The following CA10 variants were observed in gnomAD, a reference collection of about 807,000 sequenced individuals.
CA10 encodes carbonic anhydrase-related protein 10.
In CA10, 14 loss-of-function variants were observed where a neutral mutation model predicts 44.2. The observed-to-expected ratio is 0.32, with a 90% CI of 0.21 to 0.50. CA10 has a LOEUF of 0.50. CA10 is among the 20% of genes least tolerant of loss of function. The probability of loss-of-function intolerance (pLI) is 0.99; values close to 1 mark genes in which losing one functional copy is unlikely to be tolerated. For missense variants in CA10, 350 were observed against 409.7 expected (o/e 0.85, Z 1.26); for synonymous variants, 159 against 141.6 (o/e 1.12, Z -0.87).
chr17:51,996,416 CT>C (rs1449796900), intron 2 of CA10, among the ~76,000 whole-genome samples: 7 of 152,024 alleles, frequency 4.6e-5, no homozygotes, highest in Non-Finnish European at 1.0e-4. Context: ...TAGTATCTTC[CT>C]TCCTTAAATT....
chr17:51,984,071 A>G (rs2144092148), intron 2 of CA10, among the ~76,000 whole-genome samples: 1 of 151,850 alleles, frequency 6.6e-6, no homozygotes, highest in Non-Finnish European at 1.5e-5. Context: ...GTGTTTTTCA[A>G]GTTTTAATGA....
At chr17:51,916,883 C>T (rs1297796635) in intron 3 of CA10, among the ~76,000 whole-genome samples, 1 of 152,120 alleles carries the variant, frequency 6.6e-6, no homozygotes, top group African/African-American at 2.4e-5. Flanking sequence ...CTTCAGGAGG[C>T]CAAACCATGG....
chr17:52,071,854 C>T (rs1286731509), intron 2 of CA10, among the ~76,000 whole-genome samples: 1 of 152,164 alleles, frequency 6.6e-6, no homozygotes, highest in Non-Finnish European at 1.5e-5. Flanking sequence ...ATTCAGTTCT[C>T]TGTCCTCTGC....
chr17:51,899,492 G>A (rs888217791), intron 3 of CA10, among the ~76,000 whole-genome samples: 1 of 151,868 alleles, frequency 6.6e-6, no homozygotes, highest in African/African-American at 2.4e-5. Flanking sequence ...ATTTTAGAGT[G>A]CCATGTGTAG....
chr17:51,811,503 TCA>T (rs1244418101), intron 3 of CA10, among the ~76,000 whole-genome samples: 6 of 152,218 alleles, frequency 3.9e-5, no homozygotes, highest in Non-Finnish European at 8.8e-5. Context: ...ATCTCATTGT[TCA>T]GTTTCCACCT....
intron 2 of CA10, among the ~76,000 whole-genome samples, chr17:52,045,905 G>T (rs1256458595): frequency 2.6e-5 from 4 of 151,802 alleles, no homozygotes; most frequent in Non-Finnish European, 4.4e-5. Context: ...CAACAGAAAT[G>T]AACTAGATAT....
At chr17:51,880,163 C>T (rs923730233) in intron 3 of CA10, among the ~76,000 whole-genome samples, 11 of 152,164 alleles carry the variant, frequency 7.2e-5, no homozygotes, top group South Asian at 2.1e-4. Flanking sequence ...CTTGCCTTAC[C>T]TCTTCCAGCA....
At chr17:52,122,869 C>G (rs2143322281) in intron 1 of CA10, among the ~76,000 whole-genome samples, 1 of 152,244 alleles carries the variant, frequency 6.6e-6, no homozygotes, top group South Asian at 2.1e-4. Context: ...CAAACAAGGT[C>G]CTTTTAGATC....
chr17:52,063,356 G>C (rs1234884047), intron 2 of CA10, among the ~76,000 whole-genome samples: 1 of 152,192 alleles, frequency 6.6e-6, no homozygotes, highest in East Asian at 1.9e-4. Context: ...CATTGGGATA[G>C]AATGATTGTA....
intron 4 of CA10, among the ~76,000 whole-genome samples, chr17:51,692,013 A>T (rs1428642506): frequency 2.0e-5 from 3 of 152,204 alleles, no homozygotes; most frequent in East Asian, 1.9e-4. Flanking sequence ...AATTTTAGGA[A>T]TTTTTTCTAT....
At chr17:51,952,576 AAAG>A (rs1983526215) in intron 2 of CA10, among the ~76,000 whole-genome samples, 2 of 152,282 alleles carry the variant, frequency 1.3e-5, no homozygotes, top group East Asian at 3.9e-4. Flanking sequence ...ATTAAAACTA[AAAG>A]AAGATCAATA....
chr17:51,712,463 G>C (rs1567813032), intron 4 of CA10, among the ~76,000 whole-genome samples: 1 of 152,138 alleles, frequency 6.6e-6, no homozygotes, highest in Non-Finnish European at 1.5e-5. Flanking sequence ...TTTTTCTTTG[G>C]AAAAATTTCA....
chr17:52,090,784 C>T (rs1054753768), intron 1 of CA10, among the ~76,000 whole-genome samples: 4 of 152,032 alleles, frequency 2.6e-5, no homozygotes, highest in African/African-American at 9.7e-5. Context: ...ATAAATTCTG[C>T]CCACACCCCT....
intron 3 of CA10, among the ~76,000 whole-genome samples, chr17:51,781,518 C>T (rs538698678): frequency 6.6e-6 from 1 of 152,124 alleles, no homozygotes; most frequent in African/African-American, 2.4e-5. Flanking sequence ...GATCAAATGG[C>T]CTCTTATTAT....
chr17:52,152,124 T>A (rs1049227411), intron 1 of CA10, among the ~76,000 whole-genome samples: 5 of 151,588 alleles, frequency 3.3e-5, no homozygotes, highest in Non-Finnish European at 5.9e-5. Flanking sequence ...ACGAAAAAAT[T>A]CCAACTCAAC....
chr17:51,820,587 C>T (rs958776036), intron 3 of CA10, among the ~76,000 whole-genome samples: 1 of 151,950 alleles, frequency 6.6e-6, no homozygotes, highest in African/African-American at 2.4e-5. Flanking sequence ...CCACTTATAC[C>T]TGAAGACTAC....
chr17:51,782,174 C>T (rs1256837213), intron 3 of CA10, among the ~76,000 whole-genome samples: 3 of 152,154 alleles, frequency 2.0e-5, no homozygotes, highest in Non-Finnish European at 2.9e-5. Flanking sequence ...AGACTTTTGC[C>T]CCGTGGTCAT....
chr17:52,051,660 G>T (rs1192686837), intron 2 of CA10, among the ~76,000 whole-genome samples: 1 of 151,826 alleles, frequency 6.6e-6, no homozygotes, highest in South Asian at 2.1e-4. Flanking sequence ...AGGTTGTGGA[G>T]TGCCTATACA....
At chr17:51,831,732 G>GCCGCCGCCGCCGCCGCCGC (rs1567854679) in intron 3 of CA10, among the ~76,000 whole-genome samples, 1 of 145,942 alleles carries the variant, frequency 6.9e-6, no homozygotes, top group African/African-American at 2.5e-5. Context: ...AGCAGCAGCA[G>GCCGCCGCCGCCGCCGCCGC]AAAAAGACCT....
Sources: allele counts gnomAD v4.1 joint callset (sites outside exome capture counted in the v4.1 genomes callset), GRCh38; gene constraint gnomAD v4.1.1; transcripts MANE v1.5; gene names NCBI Gene and HGNC (gene_info 2026-07-23, HGNC 2026-07-21).